The following TOP1MT variants were observed in gnomAD, a reference collection of about 807,000 sequenced individuals.
TOP1MT encodes the protein DNA topoisomerase I mitochondrial, also known as DNA topoisomerase I, mitochondrial.
TOP1MT carries 80 observed loss-of-function variants against 73.9 expected under a neutral mutation model. The ratio of observed to expected loss-of-function variants is 1.08; its 90% CI spans 0.90 to 1.30. The LOEUF is 1.30. Among genes scored for constraint, TOP1MT ranks in the 50% most tolerant of loss-of-function variants. The pLI is 0.00. For missense variants in TOP1MT, 815 were observed against 808.0 expected, an observed-to-expected ratio of 1.01 and a Z score of -0.10; for synonymous variants, 338 against 326.4, an observed-to-expected ratio of 1.04 and a Z score of -0.38.
chr8:143,320,118 C>T (rs1816288487), intron 8 of TOP1MT, among the ~76,000 whole-genome samples: 1 of 151,728 alleles, frequency 6.6e-6, no homozygotes, highest in Admixed American at 6.6e-5. Context: ...TGCGAGACAC[C>T]GTCTTGAAAA....
chr8:143,348,612 G>C (rs796861982), upstream of TOP1MT, among the ~76,000 whole-genome samples: 1 of 152,114 alleles, frequency 6.6e-6, no homozygotes, highest in Non-Finnish European at 1.5e-5. The surrounding 1 kb of genome is among the most constrained non-coding windows in gnomAD (Gnocchi z 4.6). Flanking sequence ...GGGGTGGGGG[G>C]GGGTGGGGGC....
At position 143,341,893 on chromosome 8, in the gene TOP1MT, G is replaced by T. The variant is rs1478945595; in HGVS notation, c.29+1327C>A. ...CTCCCCCTTCTTCTTCTTCTTATTAGCGACAGAGTCTCACTCTGTTATTAT... is the reference window on the plus strand; with the variant it reads ...CTCCCCCTTCTTCTTCTTCTTATTATCGACAGAGTCTCACTCTGTTATTAT... On this transcript the variant is annotated intron_variant, in intron 2 of 5. Transcript: ENST00000518007. The surrounding 1 kb of genome is among the most constrained non-coding windows in gnomAD (Gnocchi z 4.1). Among the ~76,000 whole-genome samples the T allele has an allele frequency of 6.6e-6, 1 of 151,620 alleles. No individual in the cohort carries two copies. The highest frequency in any genetic ancestry group is 1.5e-5 in the Non-Finnish European group (1 of 67,972).
intron 4 of TOP1MT, 125 bp downstream of exon 4, chr8:143,326,097 A>G: frequency 1.8e-6 from 2 of 1,142,780 alleles, no homozygotes; most frequent in African/African-American, 3.1e-5. Context: ...AAGGCTGACG[A>G]GAAAAGAGCA....
At position 143,317,720 on chromosome 8, in the gene TOP1MT, C is replaced by A; in HGVS notation, c.1330+3G>T. ...GCTGAGTGTGGGTGTGGGGCAGGCT[C>A]ACCGCGCGTCAGGGCCCGCAGCTGC... On this transcript the variant is annotated splice_donor_region_variant and intron_variant, in intron 10 of 13. Transcript: ENST00000329245. 1 of 1,612,794 alleles carries A rather than the reference C, an allele frequency of 6.2e-7. No individual in the cohort carries two copies. Among genetic ancestry groups the A allele is most frequent in the South Asian group, 1.1e-5 (1 of 91,034 alleles).
Position 143,329,439 on chromosome 8 carries a change from C to G in TOP1MT, c.271G>C (p.Glu91Gln), listed in dbSNP as rs139956930. ...ATCCTCCCATAAAAAGTGGCGACCTCCTCCGCTGCCACGCTCAATCTCACA... is the reference window on the plus strand; with the variant it reads ...ATCCTCCCATAAAAAGTGGCGACCTGCTCCGCTGCCACGCTCAATCTCACA... ...RPVRLSVAAE[E>Q]VATFYGRMLD... Residue 91 changes from glutamate to glutamine, a missense_variant, in exon 3 of 14, where the codon GAG (glutamate) becomes CAG (glutamine). By Grantham distance (29) the Glu-to-Gln change is conservative. Around this residue, in one of 3 missense-constraint regions of TOP1MT, gnomAD observed 751 missense variants for 725.4 expected, o/e 1.04. Transcript: ENST00000329245. 1.9e-4 allele frequency: 303 copies of G among 1,611,014 alleles called. 1 individual carries two copies. The East Asian group carries it at 6.4e-3, about 34-fold the overall frequency.
intron 2 of TOP1MT, among the ~76,000 whole-genome samples, chr8:143,342,674 CTCTAT>C (rs1380277278): frequency 9.1e-5 from 2 of 21,908 alleles, no homozygotes; most frequent in Middle Eastern, 0.022. Context: ...GACAGTCTCG[CTCTAT>C]TATTATTATT....
intron 13 of TOP1MT, chr8:143,309,841 C>T: frequency 2.0e-6 from 3 of 1,534,994 alleles, no homozygotes; most frequent in Non-Finnish European, 1.7e-6. Flanking sequence ...GCCTCCGAGT[C>T]CCAGGCCACT....
chr8:143,312,317 T>G (rs1816034692), intron 12 of TOP1MT, among the ~76,000 whole-genome samples: 1 of 152,048 alleles, frequency 6.6e-6, no homozygotes, highest in African/African-American at 2.4e-5. Flanking sequence ...TGCAAAAACC[T>G]CAACAAAATA....
In TOP1MT at chr8:143,334,761, G is replaced by C; in HGVS notation, c.101C>G (p.Thr34Arg). 6.9e-6 allele frequency: 11 copies of C among 1,597,148 alleles called. No homozygotes were observed. The highest frequency in any genetic ancestry group is 8.5e-6 in the Non-Finnish European group (10 of 1,173,336). ...TTACCTGGCTCCACTGCCCTTCTGC[G>C]TCCTGCGCGAGCCCGGGACACCCCG... ...ASRGVPGSRRTQKGSGARWEK... is the reference protein window; with the variant it reads ...ASRGVPGSRRRQKGSGARWEK... The change falls in exon 1 of 14, where the codon ACG becomes AGG. Residue 34 changes from threonine to arginine, a missense_variant. Thr to Arg is a moderately conservative substitution (Grantham distance 71, BLOSUM62 -1). This residue lies in a region of TOP1MT where 60 missense variants were observed against 65.9 expected (regional missense o/e 0.91). Transcript: ENST00000329245.
chr8:143,332,270 G>A (rs1031515204), intron 1 of TOP1MT, among the ~76,000 whole-genome samples: 2 of 152,216 alleles, frequency 1.3e-5, no homozygotes, highest in East Asian at 1.9e-4. Context: ...GAAGAGGAGC[G>A]AGATGGGGCG....
At chr8:143,327,028 A>C (rs757138456) in intron 3 of TOP1MT, among the ~76,000 whole-genome samples, 5 of 152,142 alleles carry the variant, frequency 3.3e-5, no homozygotes, top group Non-Finnish European at 7.4e-5. Context: ...GCCCTGCCCT[A>C]AGGCCCTAAA....
intron 12 of TOP1MT, among the ~76,000 whole-genome samples, chr8:143,313,348 C>A (rs1190926742): frequency 1.3e-5 from 2 of 151,726 alleles, no homozygotes; most frequent in Admixed American, 1.3e-4. Context: ...GTCAGGAGTT[C>A]AAGACCAGCC....
chr8:143,324,925 A>C (rs900673897), intron 5 of TOP1MT, among the ~76,000 whole-genome samples: 1 of 152,148 alleles, frequency 6.6e-6, no homozygotes, highest in Admixed American at 6.5e-5. Context: ...GCCCTGCCCC[A>C]CACAGCCTGG....
upstream of TOP1MT, among the ~76,000 whole-genome samples, chr8:143,337,918 T>A (rs1817009829): frequency 6.6e-6 from 1 of 152,172 alleles, no homozygotes; most frequent in South Asian, 2.1e-4. Context: ...TTGGTTCTGT[T>A]CTGATCACCG....
chr8:143,324,451 G>A, intron 6 of TOP1MT, 34 bp downstream of exon 6: 2 of 1,613,194 alleles, frequency 1.2e-6, no homozygotes, highest in South Asian at 2.2e-5. Context: ...GGGACCTCCT[G>A]GGGAGGAAAC....
chr8:143,329,308 G>A, intron 3 of TOP1MT, 42 bp downstream of exon 3: 1 of 1,544,034 alleles, frequency 6.5e-7, no homozygotes, highest in Non-Finnish European at 8.7e-7. Flanking sequence ...CGCCTAGCCA[G>A]CCAGGTCCAG....
chr8:143,358,885 T>C (rs1303173261), upstream of TOP1MT, among the ~76,000 whole-genome samples: 3 of 152,216 alleles, frequency 2.0e-5, no homozygotes, highest in African/African-American at 4.8e-5. Context: ...ACCCCATTAC[T>C]ACGCAACCAG....
intron 1 of TOP1MT, chr8:143,331,667 G>C (rs1041052583): frequency 8.2e-6 from 2 of 245,144 alleles, no homozygotes; most frequent in African/African-American, 4.4e-5. Flanking sequence ...CCTCTCCCCA[G>C]ATGGGTCCCT....
chr8:143,312,860 C>A (rs1410987811), intron 12 of TOP1MT, among the ~76,000 whole-genome samples: 3 of 152,198 alleles, frequency 2.0e-5, no homozygotes, highest in Non-Finnish European at 2.9e-5. Flanking sequence ...GAGGCCAAGG[C>A]AGGATTGCTT....
Sources: allele counts gnomAD v4.1 joint callset (sites outside exome capture counted in the v4.1 genomes callset), GRCh38; gene constraint gnomAD v4.1.1; regional missense constraint gnomAD v4.1.1; non-coding constraint Gnocchi (gnomAD v3.1); transcripts MANE v1.5; gene names NCBI Gene and HGNC (gene_info 2026-07-23, HGNC 2026-07-21).